Variants in FBXL2 observed in about 807,000 individuals in gnomAD.
The protein encoded by FBXL2 is F-box and leucine rich repeat protein 2, also known as F-box/LRR-repeat protein 2.
A neutral mutation model predicts 69.2 loss-of-function variants in FBXL2; 38 were observed. The observed-to-expected ratio is 0.55, with a 90% confidence interval of 0.42 to 0.72. The LOEUF (loss-of-function observed/expected upper bound fraction) is 0.72, where lower values mean the gene tolerates loss of function less well. FBXL2 is among the 30% of genes least tolerant of loss of function. The pLI is 0.00. For missense variants in FBXL2, 354 were observed against 520.3 expected, an observed-to-expected ratio of 0.68 and a Z score of 3.11; for synonymous variants, 192 against 201.3, an observed-to-expected ratio of 0.95 and a Z score of 0.39.
At chr3:33,335,156 T>A (rs1463263955) in intron 2 of FBXL2, among the ~76,000 whole-genome samples, 1 of 151,244 alleles carries the variant, frequency 6.6e-6, no homozygotes, top group Non-Finnish European at 1.5e-5. Context: ...AAGAAATAAT[T>A]GAAAGCCAAA....
the FBXL2 span, among the ~76,000 whole-genome samples, chr3:33,417,943 T>A: frequency 2.2e-4 from 34 of 152,154 alleles, no homozygotes; most frequent in African/African-American, 7.7e-4. Context: ...AAACAGCATA[T>A]ATATAGTCTG....
intron 13 of FBXL2, among the ~76,000 whole-genome samples, chr3:33,381,597 C>T (rs950761198): frequency 6.6e-6 from 1 of 151,056 alleles, no homozygotes; most frequent in African/African-American, 2.4e-5. Flanking sequence ...GCACTCCAGC[C>T]TGGGCAACAA....
intron 2 of FBXL2, among the ~76,000 whole-genome samples, chr3:33,335,743 T>A (rs936609236): frequency 6.6e-6 from 1 of 152,000 alleles, no homozygotes; most frequent in Non-Finnish European, 1.5e-5. Context: ...ATGGGACAAA[T>A]GGGAAACAAA....
intron 2 of FBXL2, among the ~76,000 whole-genome samples, chr3:33,310,556 G>A (rs991378435): frequency 5.9e-5 from 9 of 151,790 alleles, no homozygotes; most frequent in East Asian, 1.9e-4. Flanking sequence ...TATTTTTACC[G>A]GTGAGTTATA....
At chr3:33,303,104 C>T (rs1024749286) in intron 2 of FBXL2, 2 of 456,508 alleles carry the variant, frequency 4.4e-6, no homozygotes, top group African/African-American at 2.0e-5. Flanking sequence ...GGACTGCTGC[C>T]TCTATTTCCT....
At chr3:33,409,379 G>A in the FBXL2 span, 2 of 1,613,806 alleles carry the variant, frequency 1.2e-6, no homozygotes, top group Non-Finnish European at 1.7e-6. Flanking sequence ...TCATCTATCA[G>A]GCTGCAGACA....
intron 2 of FBXL2, among the ~76,000 whole-genome samples, chr3:33,314,156 A>G (rs2037461926): frequency 6.6e-6 from 1 of 152,132 alleles, no homozygotes; most frequent in Non-Finnish European, 1.5e-5. Flanking sequence ...TAAAGATTGA[A>G]TATATTCAAG....
At chr3:33,358,468 C>T (rs1435823856) in intron 2 of FBXL2, among the ~76,000 whole-genome samples, 3 of 152,206 alleles carry the variant, frequency 2.0e-5, no homozygotes, top group Admixed American at 6.5e-5. Flanking sequence ...TGTTCTCTGG[C>T]TCCTTGGCTT....
In FBXL2 at chr3:33,373,076, T is replaced by C. The variant is rs776918339; in HGVS notation, c.291-16T>C. 27 of 1,613,444 alleles carry C rather than the reference T, an allele frequency of 1.7e-5. No homozygotes were observed. The East Asian group carries it at 4.0e-4, about 24-fold the overall frequency. On this transcript the variant is annotated splice_polypyrimidine_tract_variant and intron_variant, in intron 5 of 14. Coordinates refer to ENST00000484457, the MANE Select transcript of FBXL2 (RefSeq NM_012157.5). ...CAGCAACTTGCAGGGAGCTTTAAAA[T>C]GTTTTCTCATTTTAGGACCTTTGCA...
intron 2 of FBXL2, among the ~76,000 whole-genome samples, chr3:33,305,038 A>G (rs1042307910): frequency 6.6e-6 from 1 of 151,980 alleles, no homozygotes; most frequent in Non-Finnish European, 1.5e-5. Flanking sequence ...TTGTACTGAT[A>G]TTAATGTTTA....
At chr3:33,405,773 A>G (rs1365110636), downstream of FBXL2, among the ~76,000 whole-genome samples, 1 of 152,188 alleles carries the variant, frequency 6.6e-6, no homozygotes, top group Admixed American at 6.5e-5. Context: ...AAAAAATTTA[A>G]AAATTATTTT....
intron 1 of FBXL2, among the ~76,000 whole-genome samples, chr3:33,284,398 T>G (rs1218859949): frequency 2.6e-5 from 4 of 152,268 alleles, no homozygotes; most frequent in African/African-American, 9.6e-5. Flanking sequence ...TTGATTGCAC[T>G]GTGGTCTGAG....
chr3:33,419,628 CAAAA>C, the FBXL2 span, among the ~76,000 whole-genome samples: 6 of 100,838 alleles, frequency 6.0e-5, no homozygotes, highest in Admixed American at 9.5e-5. Context: ...GACTCCATCT[CAAAA>C]AAAAAAAAAA....
rs543351595 is a variant in FBXL2 at position 33,295,567 on chromosome 3, A to G, written c.4-2097A>G. On this transcript the variant is annotated intron_variant, in intron 1 of 14. Coordinates refer to ENST00000484457, the MANE Select transcript of FBXL2 (RefSeq NM_012157.5). Reference sequence around the variant, plus strand: ...TGAACATTCATGGACAAGTTTTTGTATGGACATATATTTTCATTTCTCTTT... The same window carrying G: ...TGAACATTCATGGACAAGTTTTTGTGTGGACATATATTTTCATTTCTCTTT... Among the ~76,000 whole-genome samples, 4 of 152,308 alleles carry G rather than the reference A, an allele frequency of 2.6e-5. No individual in the cohort carries two copies. The South Asian group carries it at 8.3e-4, about 32-fold the overall frequency.
downstream of FBXL2, chr3:33,390,385 G>C (rs374522223): frequency 1.2e-6 from 2 of 1,614,016 alleles, no homozygotes; most frequent in Admixed American, 1.7e-5. Flanking sequence ...AAAAAGGAAA[G>C]ACAGTATTTC....
chr3:33,394,340 C>T (rs2043883928), intron 12 of FBXL2, among the ~76,000 whole-genome samples: 1 of 151,970 alleles, frequency 6.6e-6, no homozygotes, highest in African/African-American at 2.4e-5. Flanking sequence ...GCCAGCACGC[C>T]CAGTTAAGCA....
chr3:33,399,241 G>GA (rs1237750926), intron 12 of FBXL2, among the ~76,000 whole-genome samples: 1 of 152,198 alleles, frequency 6.6e-6, no homozygotes, highest in Non-Finnish European at 1.5e-5. Flanking sequence ...GGTCATGTTG[G>GA]AAAAGAGTCC....
chr3:33,402,296 A>G (rs1053888848), intron 12 of FBXL2, among the ~76,000 whole-genome samples: 1 of 152,194 alleles, frequency 6.6e-6, no homozygotes, highest in Admixed American at 6.5e-5. Flanking sequence ...AACAGAATAA[A>G]GAGTCCACCA....
the FBXL2 span, chr3:33,416,633 A>C: frequency 1.4e-6 from 1 of 707,706 alleles, no homozygotes; most frequent in South Asian, 2.5e-5. Context: ...GAATAAACAA[A>C]ATATAGCTCA....
Sources: gnomAD v4.1 joint callset for allele counts (sites outside exome capture counted in the v4.1 genomes callset) on GRCh38, gnomAD v4.1.1 for gene constraint, MANE v1.5 for transcripts, NCBI Gene and HGNC (gene_info 2026-07-23, HGNC 2026-07-21) for gene names.